PDE3A: variants seen among roughly 807,000 people sequenced by gnomAD.
PDE3A encodes the protein cGMP-inhibited 3',5'-cyclic phosphodiesterase 3A.
In PDE3A, 43 loss-of-function variants were observed where a neutral mutation model predicts 98.3. That is an observed-to-expected ratio of 0.44 (90% CI 0.34 to 0.56). PDE3A has a LOEUF of 0.56. Ranked by LOEUF, PDE3A falls within the 20% of genes least tolerant of loss-of-function variation. The pLI is 0.01. For synonymous variants in PDE3A, 663 were observed against 567.9 expected (o/e 1.17, Z -2.38); for missense variants, 1,427 against 1,440.7 (o/e 0.99, Z 0.15).
In PDE3A at chr12:20,369,825, G is replaced by C; in HGVS notation, c.541G>C (p.Gly181Arg). ...GCTCGTCCAGATTGGGCTGGGCGTC[G>C]GGGAGGATCACTTACTCTCACTCCC... is the stretch of plus-strand genomic sequence containing the variant. ...EALVQIGLGVGEDHLLSLPAA... is the reference protein window; with the variant it reads ...EALVQIGLGVREDHLLSLPAA... The change falls in exon 1 of 16, where the codon GGG becomes CGG. Residue 181 changes from glycine to arginine, a missense_variant. By Grantham distance (125) the Gly-to-Arg change is moderately radical. Around this residue, in one of 3 missense-constraint regions of PDE3A, gnomAD observed 1,012 missense variants for 886.5 expected, o/e 1.14. Coordinates refer to ENST00000359062, the MANE Select transcript of PDE3A (RefSeq NM_000921.5). 2 of 1,611,780 alleles carry C rather than the reference G, an allele frequency of 1.2e-6. No homozygotes were observed. The highest frequency in any genetic ancestry group is 1.7e-6 in the Non-Finnish European group (2 of 1,179,412).
intron 1 of PDE3A, among the ~76,000 whole-genome samples, chr12:20,412,739 C>A (rs1214907082): frequency 1.3e-5 from 2 of 152,238 alleles, no homozygotes; most frequent in African/African-American, 2.4e-5. Flanking sequence ...TTATCTTTTT[C>A]TGAATGACCT....
intron 2 of PDE3A, among the ~76,000 whole-genome samples, chr12:20,569,990 A>T (rs1942757170): frequency 6.6e-6 from 1 of 152,178 alleles, no homozygotes; most frequent in Non-Finnish European, 1.5e-5. Context: ...TTCAAGAAGG[A>T]TATTGAAAAG....
rs928995927 is a variant in PDE3A at position 20,552,887 on chromosome 12, G to T, written c.961-3773G>T. On this transcript the variant is annotated intron_variant, in intron 1 of 15. Coordinates refer to ENST00000359062, the MANE Select transcript of PDE3A (RefSeq NM_000921.5). The surrounding 1 kb of genome is among the most constrained non-coding windows in gnomAD (Gnocchi z 5.1). ...AAGGACTGCCTGGACAGATCCTTTC[G>T]GGCACAGGTGTTCAGCTGCCCTGCC... 6.2e-7 allele frequency: 1 copy of T among 1,612,012 alleles called. No individual in the cohort carries two copies.
At chr12:20,634,034 G>A (rs1167212748) in intron 7 of PDE3A, among the ~76,000 whole-genome samples, 4 of 152,064 alleles carry the variant, frequency 2.6e-5, no homozygotes, top group Non-Finnish European at 4.4e-5. Context: ...AAGGACAAGG[G>A]AGAAAATTAA....
intron 2 of PDE3A, among the ~76,000 whole-genome samples, chr12:20,611,872 C>A (rs1943863612): frequency 6.6e-6 from 1 of 150,582 alleles, no homozygotes; most frequent in African/African-American, 2.4e-5. Context: ...GGATAGACAA[C>A]TTTATAATAC....
intron 10 of PDE3A, among the ~76,000 whole-genome samples, chr12:20,644,205 A>C (rs1011539895): frequency 4.6e-5 from 7 of 152,224 alleles, no homozygotes; most frequent in African/African-American, 1.7e-4. Context: ...ACTATCTTCT[A>C]CCGATGGAGG....
At position 20,449,997 on chromosome 12, in the gene PDE3A, T is replaced by C; in HGVS notation, c.960+79753T>C. ...GAACAATAAGCCCTTGCCAAGTCAA[T>C]AAATTAGCTCCATCTACCTGGAAGT... On this transcript the variant is annotated intron_variant, in intron 1 of 15. Coordinates refer to ENST00000359062, the MANE Select transcript of PDE3A (RefSeq NM_000921.5). 4.3e-6 allele frequency: 3 copies of C among 697,460 alleles called. No individual in the cohort carries two copies. In the South Asian group the frequency reaches 5.1e-5, roughly 12 times the overall value. 43.2% of individuals were successfully genotyped at this position (697,460 alleles called of 1,614,324 possible). A position where few individuals can be genotyped will look rare whatever the true frequency, so the allele number is the denominator to read the frequency against.
At chr12:20,461,338 A>G (rs1389194031) in intron 1 of PDE3A, among the ~76,000 whole-genome samples, 2 of 151,936 alleles carry the variant, frequency 1.3e-5, no homozygotes, top group Non-Finnish European at 2.9e-5. Flanking sequence ...TATATAAAGT[A>G]TTACTGAGTT....
intron 1 of PDE3A, among the ~76,000 whole-genome samples, chr12:20,548,831 A>G (rs1321615303): frequency 6.6e-6 from 1 of 152,156 alleles, no homozygotes; most frequent in Non-Finnish European, 1.5e-5. Flanking sequence ...ACTTAACACT[A>G]ATCTTATCTG....
At chr12:20,413,103 A>G (rs1299950095) in intron 1 of PDE3A, among the ~76,000 whole-genome samples, 2 of 152,226 alleles carry the variant, frequency 1.3e-5, no homozygotes, top group East Asian at 3.8e-4. Context: ...GGAATGTATT[A>G]AGTAATGACA....
At chr12:20,539,445 G>A (rs11045297) in intron 1 of PDE3A, among the ~76,000 whole-genome samples, 4,752 of 152,126 alleles carry the variant, frequency 0.031, 239 homozygotes, top group African/African-American at 0.11. Context: ...AAGGATGCTC[G>A]AACTGTAATG....
At chr12:20,471,588 A>G (rs985568541) in intron 1 of PDE3A, among the ~76,000 whole-genome samples, 4 of 152,162 alleles carry the variant, frequency 2.6e-5, no homozygotes, top group African/African-American at 4.8e-5. Flanking sequence ...CAGCAAATCC[A>G]TAGTTTCAAA....
Position 20,390,470 on chromosome 12 carries a change from A to C in PDE3A, c.960+20226A>C, listed in dbSNP as rs1943893024. Among the ~76,000 whole-genome samples, 4 of 151,136 alleles carry C rather than the reference A, an allele frequency of 2.6e-5. No individual in the cohort carries two copies. The South Asian group carries it at 8.4e-4, about 32-fold the overall frequency. On this transcript the variant is annotated intron_variant, in intron 1 of 15. Transcript: ENST00000359062. The stretch of plus-strand genomic sequence containing the variant: ...AAGGTGATTTAAGAAAAAAAAAAAA[A>C]AAACTGCAGTTGGGAGGATTAGCTT...
chr12:20,403,663 G>A (rs1013508788), intron 1 of PDE3A, among the ~76,000 whole-genome samples: 3 of 152,094 alleles, frequency 2.0e-5, no homozygotes, highest in African/African-American at 7.2e-5. Context: ...ACAATTCCGT[G>A]ATGAAAAAGG....
At chr12:20,591,116 A>G (rs1331710827) in intron 2 of PDE3A, among the ~76,000 whole-genome samples, 2 of 152,228 alleles carry the variant, frequency 1.3e-5, no homozygotes, top group Non-Finnish European at 2.9e-5. Context: ...TTTCTGGCAT[A>G]TTATGCCTTT....
At chr12:20,478,485 C>T (rs562631603) in intron 1 of PDE3A, among the ~76,000 whole-genome samples, 14 of 152,228 alleles carry the variant, frequency 9.2e-5, no homozygotes, top group South Asian at 2.1e-4. Flanking sequence ...TTCAGTGAGC[C>T]CCTGATGACA....
chr12:20,593,594 G>GA (rs1478266737), intron 2 of PDE3A, among the ~76,000 whole-genome samples: 33 of 151,934 alleles, frequency 2.2e-4, no homozygotes, highest in Admixed American at 7.9e-4. Flanking sequence ...CAGATCCACT[G>GA]ACCAATTTGA....
chr12:20,643,393 G>A (rs1284598880), intron 10 of PDE3A, among the ~76,000 whole-genome samples: 1 of 152,058 alleles, frequency 6.6e-6, no homozygotes, highest in East Asian at 1.9e-4. Context: ...TTTGCTCCTG[G>A]GTTGGGTTAC....
At chr12:20,623,077 A>G (rs956701640) in intron 5 of PDE3A, among the ~76,000 whole-genome samples, 18 of 152,164 alleles carry the variant, frequency 1.2e-4, no homozygotes. Flanking sequence ...GCTAAATGTA[A>G]CTTTTGGAAA....
Sources: gnomAD v4.1 joint callset for allele counts (sites outside exome capture counted in the v4.1 genomes callset) on GRCh38, gnomAD v4.1.1 for gene constraint, gnomAD v4.1.1 regional missense constraint, Gnocchi (gnomAD v3.1) non-coding constraint, MANE v1.5 for transcripts, NCBI Gene and HGNC (gene_info 2026-07-23, HGNC 2026-07-21) for gene names.